Variants in LCOR observed in about 807,000 individuals in gnomAD.
LCOR encodes ligand dependent nuclear receptor corepressor, also known as ligand-dependent corepressor.
Under a neutral mutation model 64.4 loss-of-function variants are expected in LCOR, and 14 were observed. The observed-to-expected ratio is 0.22, with a 90% CI of 0.14 to 0.34. LCOR has a LOEUF of 0.34. Ranked by LOEUF, LCOR falls within the 10% of genes least tolerant of loss-of-function variation. LCOR has a pLI of 1.00. For missense variants in LCOR, 1,686 were observed against 1,765.3 expected, an observed-to-expected ratio of 0.96 and a Z score of 0.80; for synonymous variants, 643 against 642.5, an observed-to-expected ratio of 1.00 and a Z score of -0.01.
At chr10:96,895,641 A>G (rs1382441056) in intron 2 of LCOR, among the ~76,000 whole-genome samples, 1 of 152,144 alleles carries the variant, frequency 6.6e-6, no homozygotes, top group Non-Finnish European at 1.5e-5. Flanking sequence ...CTCTTACCTT[A>G]TCTTGTACTT....
chr10:96,891,148 C>CAT (rs1421965151), intron 2 of LCOR, among the ~76,000 whole-genome samples: 1 of 152,000 alleles, frequency 6.6e-6, no homozygotes, highest in Non-Finnish European at 1.5e-5. Flanking sequence ...CCAATGAAGC[C>CAT]ATATGGTCCT....
chr10:96,848,801 G>C (rs1446259080), intron 2 of LCOR, among the ~76,000 whole-genome samples: 1 of 152,064 alleles, frequency 6.6e-6, no homozygotes, highest in Non-Finnish European at 1.5e-5. Context: ...ACACAGGCTA[G>C]GATTCTGCCA....
rs562581006 is a variant in LCOR, at chr10:96,914,411, G to A, written c.-184+6664G>A. ...GGGGTTTCACCATGTTGGTCAGGCT[G>A]GTCTCGAACTCCTGACCTCAGGTGA... On this transcript the variant is annotated intron_variant, in intron 4 of 7. Transcript: ENST00000421806. Among the ~76,000 whole-genome samples the A allele has an allele frequency of 6.6e-5, 10 of 152,284 alleles. No individual in the cohort carries two copies. The East Asian group carries it at 1.9e-3, about 29-fold the overall frequency.
Position 96,983,362 on chromosome 10 carries a change from T to G in LCOR, c.2902T>G (p.Cys968Gly). ...NAHIPSESIA[C>G]KRDPEQAKEE... ...TCATATCCCCTCAGAAAGTATTGCTTGTAAGAGGGACCCAGAACAGGCAAA... is the reference window on the plus strand; with the variant it reads ...TCATATCCCCTCAGAAAGTATTGCTGGTAAGAGGGACCCAGAACAGGCAAA... Residue 968 changes from cysteine to glycine, a missense_variant, in exon 8 of 8, where the codon TGT becomes GGT. Transcript: ENST00000421806. This position sits in a 1 kb window ranked among gnomAD's most constrained non-coding sequence, Gnocchi z 4.5. 6.2e-7 allele frequency: 1 copy of G among 1,614,128 alleles called. No homozygotes were observed. The highest frequency in any genetic ancestry group is 1.1e-5 in the South Asian group (1 of 91,084).
At position 96,898,596 on chromosome 10, in the gene LCOR, A is replaced by G. The variant is rs953701841; in HGVS notation, c.-329-8669A>G. On this transcript the variant is annotated intron_variant, in intron 2 of 7. Coordinates refer to ENST00000421806, the MANE Select transcript of LCOR (RefSeq NM_001346516.2). ...AATTAAAAATTAAGAGATGTTATTA[A>G]TAGGTGGTGTGATGAAATGAAAAGA... 3.0e-4 allele frequency among the ~76,000 whole-genome samples: 45 copies of G among 152,298 alleles called. 1 individual carries two copies. The highest frequency in any genetic ancestry group is 1.0e-3 in the African/African-American group (42 of 41,564).
intron 2 of LCOR, among the ~76,000 whole-genome samples, chr10:96,873,601 T>TGTGTGTGTGTGTGC (rs1846113481): frequency 1.3e-5 from 2 of 149,934 alleles, no homozygotes; most frequent in Admixed American, 6.7e-5. Flanking sequence ...TGTGTGTGTG[T>TGTGTGTGTGTGTGC]GTGTGTGTGT....
intron 2 of LCOR, among the ~76,000 whole-genome samples, chr10:96,896,477 G>T (rs1265385753): frequency 6.6e-6 from 1 of 151,962 alleles, no homozygotes; most frequent in Non-Finnish European, 1.5e-5. Context: ...AGACTAAAGT[G>T]CAGTGGCATC....
intron 4 of LCOR, among the ~76,000 whole-genome samples, chr10:96,935,091 T>G (rs1033232437): frequency 2.6e-5 from 4 of 151,366 alleles, no homozygotes; most frequent in Admixed American, 2.6e-4. Flanking sequence ...TGAGGGGAGA[T>G]GACATGAATT....
chr10:96,847,418 A>G (rs1333688408), intron 2 of LCOR, among the ~76,000 whole-genome samples: 1 of 148,872 alleles, frequency 6.7e-6, no homozygotes, highest in African/African-American at 2.5e-5. Flanking sequence ...TTATTTATTT[A>G]TTTATTTATT....
chr10:96,894,959 C>T (rs765308968), intron 2 of LCOR, among the ~76,000 whole-genome samples: 3 of 152,140 alleles, frequency 2.0e-5, no homozygotes, highest in Non-Finnish European at 4.4e-5. Flanking sequence ...GTAAAAAAGA[C>T]CTGACCTTAA....
At chr10:96,907,120 C>G (rs2134452727) in intron 2 of LCOR, 145 bp from the exon 3 acceptor site, 1 of 162,010 alleles carries the variant, frequency 6.2e-6, no homozygotes, top group Non-Finnish European at 1.3e-5. Flanking sequence ...TTGTCATTGA[C>G]ACTCTTTTTC....
In LCOR at chr10:96,871,964, ATCT is replaced by A. The variant is rs1235657410; in HGVS notation, c.-329-35297_-329-35295del. Among the ~76,000 whole-genome samples the A allele has an allele frequency of 2.0e-5, 3 of 152,340 alleles. No homozygotes were observed. In the East Asian group the frequency reaches 5.8e-4, roughly 29 times the overall value. On this transcript the variant is annotated intron_variant, in intron 2 of 7. Transcript: ENST00000421806. ...AAGATAGAATCACGGTCTTCAGTTC[ATCT>A]TCTCCCCAGGAAGTTTTGTAACTTT...
At chr10:96,900,739 C>G (rs1348753164) in intron 2 of LCOR, among the ~76,000 whole-genome samples, 1 of 147,236 alleles carries the variant, frequency 6.8e-6, no homozygotes, top group East Asian at 1.9e-4. Context: ...TAACCCTTAC[C>G]CCCCAGAGTG....
chr10:96,965,391 G>A (rs1457932754), intron 7 of LCOR, among the ~76,000 whole-genome samples: 3 of 150,842 alleles, frequency 2.0e-5, no homozygotes, highest in Non-Finnish European at 4.4e-5. Flanking sequence ...GGCCGGGCAC[G>A]ATGGCTCACG....
At chr10:96,955,529 C>G in intron 7 of LCOR, 15 of 1,614,070 alleles carry the variant, frequency 9.3e-6, no homozygotes, top group Non-Finnish European at 1.2e-5. Context: ...GTAGAAAAAG[C>G]ATGTTAGATG....
chr10:96,843,334 T>G (rs1845573468), intron 2 of LCOR, among the ~76,000 whole-genome samples: 1 of 152,148 alleles, frequency 6.6e-6, no homozygotes, highest in East Asian at 1.9e-4. Context: ...GGTCTTGCTA[T>G]GTAGCCCAGG....
intron 2 of LCOR, among the ~76,000 whole-genome samples, chr10:96,880,680 G>T (rs1188988071): frequency 2.0e-5 from 3 of 152,166 alleles, no homozygotes; most frequent in Non-Finnish European, 4.4e-5. Context: ...TTACAGGCAT[G>T]AGCCACCACA....
intron 7 of LCOR, chr10:96,956,786 A>T (rs1413799932): frequency 1.0e-6 from 1 of 985,764 alleles, no homozygotes; most frequent in African/African-American, 1.7e-5. Flanking sequence ...ACAATGGAGG[A>T]TGCCTCATTT....
At chr10:96,932,042 ATCTT>A (rs1257966379) in intron 4 of LCOR, among the ~76,000 whole-genome samples, 1 of 152,190 alleles carries the variant, frequency 6.6e-6, no homozygotes, top group Admixed American at 6.5e-5. Flanking sequence ...TAGGTCTTTG[ATCTT>A]TCTTTATAAG....
Sources: allele counts gnomAD v4.1 joint callset (sites outside exome capture counted in the v4.1 genomes callset), GRCh38; gene constraint gnomAD v4.1.1; non-coding constraint Gnocchi (gnomAD v3.1); transcripts MANE v1.5; gene names NCBI Gene and HGNC (gene_info 2026-07-23, HGNC 2026-07-21).